CCSER1: variants seen among roughly 807,000 people sequenced by gnomAD.
The protein encoded by CCSER1 is serine-rich coiled-coil domain-containing protein 1.
A neutral mutation model predicts 82.0 loss-of-function variants in CCSER1; 41 were observed. The ratio of observed to expected loss-of-function variants is 0.50; its 90% CI spans 0.39 to 0.65. CCSER1 has a LOEUF of 0.65. Among genes scored for constraint, CCSER1 ranks in the 30% least tolerant of loss-of-function variants. The probability of loss-of-function intolerance (pLI) is 0.00; values close to 1 mark genes in which losing one functional copy is unlikely to be tolerated. For missense variants in CCSER1, 1,119 were observed against 1,064.2 expected, an observed-to-expected ratio of 1.05 and a Z score of -0.72; for synonymous variants, 414 against 383.9, an observed-to-expected ratio of 1.08 and a Z score of -0.92.
chr4:91,099,592 G>T (rs1339073619), intron 10 of CCSER1, among the ~76,000 whole-genome samples: 2 of 152,086 alleles, frequency 1.3e-5, no homozygotes, highest in African/African-American at 4.8e-5. Flanking sequence ...TTTTAGAGAG[G>T]CATGAGACAT....
intron 7 of CCSER1, among the ~76,000 whole-genome samples, chr4:90,780,175 T>A (rs1007480145): frequency 6.6e-6 from 1 of 152,162 alleles, no homozygotes; most frequent in African/African-American, 2.4e-5. Context: ...GCAGTTAAGG[T>A]AATCATCTGT....
chr4:90,847,110 T>C (rs1763319872), intron 8 of CCSER1, among the ~76,000 whole-genome samples: 1 of 152,234 alleles, frequency 6.6e-6, no homozygotes, highest in Admixed American at 6.5e-5. Context: ...TTACAAAGGC[T>C]TTATTCATTC....
At chr4:90,244,084 A>C (rs1720962633) in intron 1 of CCSER1, among the ~76,000 whole-genome samples, 1 of 152,194 alleles carries the variant, frequency 6.6e-6, no homozygotes, top group Non-Finnish European at 1.5e-5. Context: ...ATTATTTATC[A>C]TACTTTTCCA....
chr4:90,184,643 T>G (rs886720267), intron 1 of CCSER1, among the ~76,000 whole-genome samples: 3 of 152,116 alleles, frequency 2.0e-5, no homozygotes, highest in African/African-American at 7.2e-5. Flanking sequence ...AAGTGAAAAC[T>G]TGGTGCAATT....
intron 10 of CCSER1, among the ~76,000 whole-genome samples, chr4:91,267,875 T>C (rs1003375183): frequency 5.3e-5 from 8 of 152,222 alleles, no homozygotes; most frequent in Non-Finnish European, 1.0e-4. Flanking sequence ...GAGGAATTTG[T>C]GTTTTTCTTA....
intron 5 of CCSER1, among the ~76,000 whole-genome samples, chr4:90,477,969 G>A (rs1380137500): frequency 6.6e-6 from 1 of 152,052 alleles, no homozygotes; most frequent in African/African-American, 2.4e-5. Flanking sequence ...TTTGTCATCA[G>A]TATTGAAAAG....
chr4:91,393,144 A>G (rs1300902660), intron 10 of CCSER1, among the ~76,000 whole-genome samples: 3 of 152,100 alleles, frequency 2.0e-5, no homozygotes, highest in Non-Finnish European at 2.9e-5. Context: ...TCAGATCCAC[A>G]TTAAAGGAAA....
At chr4:90,292,847 G>T (rs955974769) in intron 1 of CCSER1, among the ~76,000 whole-genome samples, 2 of 151,744 alleles carry the variant, frequency 1.3e-5, no homozygotes, top group Non-Finnish European at 2.9e-5. Flanking sequence ...TCAGGTATCT[G>T]TATTACTGAC....
chr4:90,130,401 G>T (rs983663629), intron 1 of CCSER1, among the ~76,000 whole-genome samples: 2 of 152,154 alleles, frequency 1.3e-5, no homozygotes, highest in South Asian at 4.1e-4. Context: ...ATGCTTCGGG[G>T]GTGGGTAAGA....
At chr4:90,293,548 A>G (rs994384876) in intron 1 of CCSER1, among the ~76,000 whole-genome samples, 1 of 151,196 alleles carries the variant, frequency 6.6e-6, no homozygotes, top group Non-Finnish European at 1.5e-5. Flanking sequence ...GCTGCTATGT[A>G]AATGAAACTG....
chr4:90,519,357 G>T (rs1772769115), intron 5 of CCSER1, among the ~76,000 whole-genome samples: 3 of 151,754 alleles, frequency 2.0e-5, no homozygotes, highest in African/African-American at 7.2e-5. Context: ...AAAATGAAAT[G>T]ATACAGTTGA....
chr4:90,799,040 C>T (rs1433464725), intron 7 of CCSER1, among the ~76,000 whole-genome samples: 1 of 152,172 alleles, frequency 6.6e-6, no homozygotes, highest in Admixed American at 6.5e-5. Context: ...TGCCATGGTT[C>T]CTGCCTCCCT....
chr4:91,179,310 G>T (rs1474577878), intron 10 of CCSER1, among the ~76,000 whole-genome samples: 1 of 152,110 alleles, frequency 6.6e-6, no homozygotes, highest in African/African-American at 2.4e-5. Context: ...GAGTATCTTT[G>T]TGGCATTCTC....
intron 10 of CCSER1, among the ~76,000 whole-genome samples, chr4:91,497,460 C>A (rs934620966): frequency 6.6e-6 from 1 of 151,564 alleles, no homozygotes; most frequent in African/African-American, 2.4e-5. Context: ...GTTAATAAAA[C>A]AAAAATTCCT....
chr4:91,385,718 G>C (rs1751243068), intron 10 of CCSER1, among the ~76,000 whole-genome samples: 1 of 151,864 alleles, frequency 6.6e-6, no homozygotes, highest in Non-Finnish European at 1.5e-5. Flanking sequence ...TAAGGGAAAA[G>C]TGGACAAAAA....
rs576830120 is a variant in CCSER1 at position 91,261,239 on chromosome 4, C to A, written c.2217+175245C>A. On this transcript the variant is annotated intron_variant, in intron 10 of 10. Coordinates refer to ENST00000509176, the MANE Select transcript of CCSER1 (RefSeq NM_001145065.2). ...AATGCCTTGCTCCTTACCATTAGTG[C>A]TTGTATAGTCTTTCCATCATCCCCA... 2.0e-5 allele frequency among the ~76,000 whole-genome samples: 3 copies of A among 152,316 alleles called. No homozygotes were observed. The South Asian group carries it at 6.2e-4, about 32-fold the overall frequency.
intron 7 of CCSER1, among the ~76,000 whole-genome samples, chr4:90,789,442 C>T (rs1754943856): frequency 6.6e-6 from 1 of 152,084 alleles, no homozygotes; most frequent in African/African-American, 2.4e-5. Flanking sequence ...CTCAAATCTC[C>T]ATTTTCTGAT....
At position 91,392,605 on chromosome 4, in the gene CCSER1, G is replaced by T. The variant is rs556405348; in HGVS notation, c.2218-205967G>T. Among the ~76,000 whole-genome samples, 7 of 152,002 alleles carry T rather than the reference G, an allele frequency of 4.6e-5. No individual in the cohort carries two copies. The East Asian group carries it at 1.4e-3, about 29-fold the overall frequency. On this transcript the variant is annotated intron_variant, in intron 10 of 10. Coordinates refer to ENST00000509176, the MANE Select transcript of CCSER1 (RefSeq NM_001145065.2). ...ATAATAATTGTATACTGGTTTGGGG[G>T]TTTTTCTTTAGAGTCATATATATTA...
At chr4:90,294,700 C>A (rs1474258209) in intron 1 of CCSER1, among the ~76,000 whole-genome samples, 2 of 151,826 alleles carry the variant, frequency 1.3e-5, no homozygotes, top group Non-Finnish European at 2.9e-5. Flanking sequence ...TTTTTAAAGT[C>A]TTAAATATAA....
Sources: allele counts gnomAD v4.1 joint callset (sites outside exome capture counted in the v4.1 genomes callset), GRCh38; gene constraint gnomAD v4.1.1; transcripts MANE v1.5; gene names NCBI Gene and HGNC (gene_info 2026-07-23, HGNC 2026-07-21).